Variants in ZNF385B observed in about 807,000 individuals in gnomAD.
ZNF385B encodes the protein zinc finger protein 385B, also known as zinc finger protein 533.
ZNF385B carries 23 observed loss-of-function variants against 39.2 expected under a neutral mutation model. The observed-to-expected ratio is 0.59, with a 90% CI of 0.42 to 0.83. The LOEUF (loss-of-function observed/expected upper bound fraction) is 0.83. Ranked by LOEUF, ZNF385B falls within the 40% of genes least tolerant of loss-of-function variation. ZNF385B has a pLI of 0.00. For synonymous variants in ZNF385B, 205 were observed against 222.6 expected (o/e 0.92, Z 0.70); for missense variants, 552 against 598.9 (o/e 0.92, Z 0.82).
At chr2:179,560,276 G>T (rs2061242672) in intron 3 of ZNF385B, among the ~76,000 whole-genome samples, 1 of 152,002 alleles carries the variant, frequency 6.6e-6, no homozygotes. Flanking sequence ...TCAATGATTT[G>T]CTTTATAAAG....
At chr2:179,579,591 A>C (rs1686248815) in intron 3 of ZNF385B, among the ~76,000 whole-genome samples, 1 of 152,118 alleles carries the variant, frequency 6.6e-6, no homozygotes, top group Admixed American at 6.6e-5. Flanking sequence ...AGATGCTCAT[A>C]TCTCAATAAA....
chr2:179,810,898 C>A (rs571843315), intron 1 of ZNF385B, among the ~76,000 whole-genome samples: 56 of 151,940 alleles, frequency 3.7e-4, no homozygotes, highest in Non-Finnish European at 7.5e-4. Flanking sequence ...TGATTTTATA[C>A]CTAGAAAACC....
chr2:179,690,322 T>C (rs1333997008), intron 3 of ZNF385B, among the ~76,000 whole-genome samples: 1 of 152,188 alleles, frequency 6.6e-6, no homozygotes, highest in Admixed American at 6.5e-5. Context: ...GTGATCTAAT[T>C]GTACAGTAGT....
intron 3 of ZNF385B, among the ~76,000 whole-genome samples, chr2:179,690,334 C>T (rs1219194639): frequency 6.6e-6 from 1 of 152,086 alleles, no homozygotes; most frequent in Non-Finnish European, 1.5e-5. Context: ...TACAGTAGTC[C>T]CTCAGTATAA....
At chr2:179,582,158 A>G (rs552548728) in intron 3 of ZNF385B, among the ~76,000 whole-genome samples, 21 of 152,192 alleles carry the variant, frequency 1.4e-4, no homozygotes, top group Non-Finnish European at 2.5e-4. Context: ...TACTTTTCTC[A>G]TTAGATATTT....
intron 3 of ZNF385B, among the ~76,000 whole-genome samples, chr2:179,588,560 T>C (rs1466231646): frequency 6.6e-6 from 1 of 152,040 alleles, no homozygotes; most frequent in Admixed American, 6.5e-5. Flanking sequence ...CCCACCATGA[T>C]TGCTAAAATC....
intron 1 of ZNF385B, among the ~76,000 whole-genome samples, chr2:179,812,767 C>T (rs1706817694): frequency 1.3e-5 from 2 of 152,144 alleles, no homozygotes; most frequent in South Asian, 4.1e-4. Context: ...AAAAACAAAG[C>T]ACATTTATAT....
At chr2:179,753,628 G>A (rs193120125) in intron 3 of ZNF385B, among the ~76,000 whole-genome samples, 1 of 152,234 alleles carries the variant, frequency 6.6e-6, no homozygotes, top group Admixed American at 6.5e-5. Context: ...GTGGTTTGTA[G>A]TTCTCCTTGA....
intron 5 of ZNF385B, among the ~76,000 whole-genome samples, chr2:179,495,083 G>T (rs1203428461): frequency 6.6e-6 from 1 of 152,112 alleles, no homozygotes. Context: ...TCCAGGACTG[G>T]ACTCTTGGAT....
intron 3 of ZNF385B, among the ~76,000 whole-genome samples, chr2:179,545,340 C>T (rs542186445): frequency 1.3e-5 from 2 of 152,272 alleles, no homozygotes; most frequent in South Asian, 2.1e-4. Flanking sequence ...TGAAGCCAGA[C>T]ACTCTTTGCT....
intron 1 of ZNF385B, among the ~76,000 whole-genome samples, chr2:179,852,238 A>T (rs1383648169): frequency 1.3e-5 from 2 of 152,202 alleles, no homozygotes; most frequent in African/African-American, 4.8e-5. Flanking sequence ...AACCACAAGG[A>T]CAGAATAAAT....
chr2:179,493,715 GCA>G lies in ZNF385B; in HGVS notation c.553-10283_553-10282del, dbSNP rs1408165191. On this transcript the variant is annotated intron_variant, in intron 5 of 9. Transcript: ENST00000410066. ...TATATACATATATGTATACACATATGCATATACGTATATACATATATGTATAC... is the reference window on the plus strand; with the variant it reads ...TATATACATATATGTATACACATATGTATACGTATATACATATATGTATAC... 5.5e-3 allele frequency among the ~76,000 whole-genome samples: 283 copies of G among 51,016 alleles called. 11 individuals are homozygous for G. Among genetic ancestry groups the G allele is most frequent in the African/African-American group, 7.9e-3 (134 of 16,872 alleles). The allele number at this position is 51,016 out of a possible 152,430, so 33.5% of individuals were successfully genotyped here.
intron 3 of ZNF385B, among the ~76,000 whole-genome samples, chr2:179,557,857 C>G (rs899663363): frequency 7.9e-5 from 12 of 152,078 alleles, no homozygotes; most frequent in African/African-American, 2.9e-4. Flanking sequence ...GGTTTTCAAC[C>G]CTTGTCCCCC....
chr2:179,559,696 T>C (rs548930223), intron 3 of ZNF385B, among the ~76,000 whole-genome samples: 3 of 152,156 alleles, frequency 2.0e-5, no homozygotes, highest in African/African-American at 7.2e-5. Flanking sequence ...TTTTGATGCA[T>C]ATATATATAG....
At chr2:179,453,624 A>G (rs1371144922) in intron 6 of ZNF385B, among the ~76,000 whole-genome samples, 1 of 152,170 alleles carries the variant, frequency 6.6e-6, no homozygotes, top group African/African-American at 2.4e-5. Flanking sequence ...TTGGAGCAAG[A>G]AAGGTAAGAA....
intron 3 of ZNF385B, among the ~76,000 whole-genome samples, chr2:179,638,461 T>G (rs866622484): frequency 1.3e-5 from 2 of 152,256 alleles, no homozygotes; most frequent in Middle Eastern, 6.8e-3. Flanking sequence ...GTGTGTGTTG[T>G]AGGACTGAGG....
intron 3 of ZNF385B, chr2:179,660,169 C>T (rs1694301833): frequency 6.6e-6 from 1 of 152,392 alleles, no homozygotes; most frequent in Non-Finnish European, 1.5e-5. Flanking sequence ...ATTAACCTGC[C>T]ACCGGTTTTA....
chr2:179,774,407 C>A (rs541307821), intron 1 of ZNF385B, among the ~76,000 whole-genome samples: 2 of 151,882 alleles, frequency 1.3e-5, no homozygotes, highest in African/African-American at 4.8e-5. Flanking sequence ...GTCGCCCAGG[C>A]TGGAGTGTAG....
chr2:179,748,230 C>A, intron 3 of ZNF385B, among the ~76,000 whole-genome samples: 1 of 151,602 alleles, frequency 6.6e-6, no homozygotes, highest in East Asian at 1.9e-4. Context: ...AAAACTAGGA[C>A]ATGGAAAAGA....
Sources: gnomAD v4.1 joint callset for allele counts (sites outside exome capture counted in the v4.1 genomes callset) on GRCh38, gnomAD v4.1.1 for gene constraint, MANE v1.5 for transcripts, NCBI Gene and HGNC (gene_info 2026-07-23, HGNC 2026-07-21) for gene names.